ZNF804B: variants seen among roughly 807,000 people sequenced by gnomAD.
ZNF804B encodes the protein zinc finger 804B.
ZNF804B carries 80 observed loss-of-function variants against 101.4 expected under a neutral mutation model. The ratio of observed to expected loss-of-function variants is 0.79; its 90% CI spans 0.66 to 0.95. The LOEUF (loss-of-function observed/expected upper bound fraction) is 0.95. Ranked by LOEUF, ZNF804B falls within the 40% of genes least tolerant of loss-of-function variation. ZNF804B has a pLI of 0.00. For missense variants in ZNF804B, 1,673 were observed against 1,561.9 expected (o/e 1.07, Z -1.20); for synonymous variants, 622 against 558.8 (o/e 1.11, Z -1.59).
rs200424784 is a variant in ZNF804B at position 89,335,187 on chromosome 7, C to G, written c.2205C>G (p.Ser735Arg). 2 of 1,613,722 alleles carry G rather than the reference C, an allele frequency of 1.2e-6. No individual in the cohort carries two copies. Among genetic ancestry groups the G allele is most frequent in the Admixed American group, 1.7e-5 (1 of 59,894 alleles). The change falls in exon 4 of 4, where the codon AGC becomes AGG. Residue 735 changes from serine (S) to arginine (R), a missense_variant. By Grantham distance (110) the Ser-to-Arg change is moderately radical. Transcript: ENST00000333190. ...CAAGTCATAGATTCAATGGTAATAG[C>G]AGAGGTAATTTGCTCTGCTTCCATA... ...TCSSHRFNGN[S>R]RGNLLCFHKR...
intron 1 of ZNF804B, among the ~76,000 whole-genome samples, chr7:89,120,273 G>A (rs1790380878): frequency 6.6e-6 from 1 of 151,900 alleles, no homozygotes; most frequent in Non-Finnish European, 1.5e-5. Flanking sequence ...GGGCAACCGA[G>A]CAAGAACTCC....
intron 1 of ZNF804B, among the ~76,000 whole-genome samples, chr7:89,153,970 C>G (rs535794263): frequency 1.3e-5 from 2 of 152,106 alleles, no homozygotes; most frequent in African/African-American, 4.8e-5. Context: ...TATGCTGTAG[C>G]CTTCCCCATC....
At chr7:89,055,248 TTGGAAAGTGAAGACAAGAATGG>T (rs929837588) in intron 1 of ZNF804B, among the ~76,000 whole-genome samples, 19 of 151,992 alleles carry the variant, frequency 1.3e-4, no homozygotes, top group South Asian at 4.1e-4. Flanking sequence ...TGACTGGAAC[TTGGAAAGTGAAGACAAGAATGG>T]TGGAAAGTGA....
intron 2 of ZNF804B, among the ~76,000 whole-genome samples, chr7:89,276,578 C>T (rs1347766944): frequency 1.3e-5 from 2 of 151,752 alleles, no homozygotes; most frequent in Admixed American, 1.3e-4. Context: ...TTTTAAAATG[C>T]TATTTTATGC....
At chr7:89,179,740 T>C in intron 1 of ZNF804B, among the ~76,000 whole-genome samples, 1 of 152,200 alleles carries the variant, frequency 6.6e-6, no homozygotes, top group East Asian at 1.9e-4. Flanking sequence ...TATGTATTTG[T>C]TGTCCTCATC....
intron 1 of ZNF804B, among the ~76,000 whole-genome samples, chr7:89,036,931 A>G (rs1788938713): frequency 6.6e-6 from 1 of 152,156 alleles, no homozygotes; most frequent in African/African-American, 2.4e-5. Flanking sequence ...AGATGTGGAA[A>G]TCAAAATTGG....
chr7:88,835,528 A>C (rs1004930185), intron 1 of ZNF804B, among the ~76,000 whole-genome samples: 1 of 151,928 alleles, frequency 6.6e-6, no homozygotes, highest in African/African-American at 2.4e-5. Flanking sequence ...CCAATGGATA[A>C]AAATGTAAGC....
intron 1 of ZNF804B, among the ~76,000 whole-genome samples, chr7:89,067,119 C>T (rs899519083): frequency 5.3e-5 from 8 of 152,056 alleles, no homozygotes; most frequent in South Asian, 2.1e-4. Flanking sequence ...GATAAGCTAC[C>T]GATCAATCTA....
chr7:88,856,008 C>A (rs1403327928), intron 1 of ZNF804B, among the ~76,000 whole-genome samples: 2 of 152,078 alleles, frequency 1.3e-5, no homozygotes, highest in African/African-American at 2.4e-5. Flanking sequence ...GTTACTGTAG[C>A]CTTGTAGTAT....
chr7:89,279,979 C>G (rs1208866), intron 2 of ZNF804B, among the ~76,000 whole-genome samples: 36,719 of 151,226 alleles, frequency 0.24, 4,669 homozygotes, highest in Non-Finnish European at 0.27. Flanking sequence ...CACACCACAC[C>G]TATTCCAAAA....
At chr7:89,024,616 T>TA (rs1188643626) in intron 1 of ZNF804B, among the ~76,000 whole-genome samples, 2 of 143,022 alleles carry the variant, frequency 1.4e-5, no homozygotes, top group Non-Finnish European at 3.1e-5. Context: ...TTTTTTTTTT[T>TA]TACAAAAAGT....
intron 1 of ZNF804B, among the ~76,000 whole-genome samples, chr7:89,073,805 A>T (rs1044363026): frequency 1.3e-5 from 2 of 152,182 alleles, no homozygotes; most frequent in African/African-American, 4.8e-5. Context: ...AATTGTAATT[A>T]AAAAATCCGC....
intron 1 of ZNF804B, among the ~76,000 whole-genome samples, chr7:88,962,490 G>A (rs755258180): frequency 6.0e-5 from 9 of 150,870 alleles, no homozygotes; most frequent in Non-Finnish European, 1.0e-4. Flanking sequence ...AGCACAGAAA[G>A]AAGAGTTCCT....
intron 1 of ZNF804B, among the ~76,000 whole-genome samples, chr7:88,849,673 G>A (rs1339451145): frequency 6.6e-6 from 1 of 150,568 alleles, no homozygotes; most frequent in African/African-American, 2.4e-5. Context: ...CTAATTAAAA[G>A]TTACTTCTTA....
At chr7:89,256,982 T>G (rs1048477013) in intron 2 of ZNF804B, among the ~76,000 whole-genome samples, 7 of 152,192 alleles carry the variant, frequency 4.6e-5, no homozygotes, top group African/African-American at 1.2e-4. Context: ...TAAAACTTTT[T>G]TAAAAAAGAG....
intron 1 of ZNF804B, among the ~76,000 whole-genome samples, chr7:89,035,810 C>T (rs1417527400): frequency 1.3e-5 from 2 of 148,394 alleles, no homozygotes; most frequent in South Asian, 2.1e-4. Flanking sequence ...ACATTGGACC[C>T]GTAGGGTATG....
rs1451094926 is a variant in ZNF804B, at chr7:88,759,824, A to G, written c.-153A>G. 5 of 639,606 alleles carry G rather than the reference A, an allele frequency of 7.8e-6. No individual in the cohort carries two copies. The highest frequency in any genetic ancestry group is 1.4e-5 in the Non-Finnish European group (5 of 360,846). 39.6% of individuals were successfully genotyped at this position (639,606 alleles called of 1,614,324 possible). On this transcript the variant is annotated 5_prime_UTR_variant, in exon 1 of 4. Coordinates refer to ENST00000333190, the MANE Select transcript of ZNF804B (RefSeq NM_181646.5). Reference sequence around the variant, plus strand: ...AGCAGGAGCCCCGCACGGGGCGCGGAGCAGGGACGCGCTGCCACCGCCTCC... The same window carrying G: ...AGCAGGAGCCCCGCACGGGGCGCGGGGCAGGGACGCGCTGCCACCGCCTCC...
chr7:88,813,116 T>G (rs916907492), intron 1 of ZNF804B, among the ~76,000 whole-genome samples: 2 of 151,938 alleles, frequency 1.3e-5, no homozygotes, highest in African/African-American at 2.4e-5. Context: ...TAAAAAATAG[T>G]TTCCCATAAA....
intron 1 of ZNF804B, among the ~76,000 whole-genome samples, chr7:88,790,140 A>G (rs1790356563): frequency 6.6e-6 from 1 of 152,094 alleles, no homozygotes; most frequent in Non-Finnish European, 1.5e-5. Flanking sequence ...GGCTTTATAT[A>G]TATGTTCGCT....
Sources: gnomAD v4.1 joint callset for allele counts (sites outside exome capture counted in the v4.1 genomes callset) on GRCh38, gnomAD v4.1.1 for gene constraint, MANE v1.5 for transcripts, NCBI Gene and HGNC (gene_info 2026-07-23, HGNC 2026-07-21) for gene names.